The following LRRC4C variants were observed in gnomAD, a reference collection of about 807,000 sequenced individuals.
The protein encoded by LRRC4C is leucine-rich repeat-containing protein 4C.
In LRRC4C, 5 loss-of-function variants were observed where a neutral mutation model predicts 33.6. The observed-to-expected ratio is 0.15, with a 90% CI of 0.08 to 0.31. The LOEUF is 0.31. Ranked by LOEUF, LRRC4C falls within the 10% of genes least tolerant of loss-of-function variation. LRRC4C has a pLI of 1.00. For missense variants in LRRC4C, 560 were observed against 796.7 expected, an observed-to-expected ratio of 0.70 and a Z score of 3.58; for synonymous variants, 329 against 302.0, an observed-to-expected ratio of 1.09 and a Z score of -0.93.
intron 5 of LRRC4C, among the ~76,000 whole-genome samples, chr11:40,179,974 TTC>T (rs1447866491): frequency 6.6e-6 from 1 of 152,186 alleles, no homozygotes; most frequent in East Asian, 1.9e-4. Flanking sequence ...GTATCACACT[TTC>T]TCTGTCAGTT....
At chr11:40,536,921 C>T (rs1487293512) in intron 3 of LRRC4C, among the ~76,000 whole-genome samples, 2 of 152,158 alleles carry the variant, frequency 1.3e-5, no homozygotes, top group East Asian at 3.9e-4. Context: ...TTGTCAACTA[C>T]CCTTTCTGGA....
intron 3 of LRRC4C, among the ~76,000 whole-genome samples, chr11:40,349,092 ACT>A (rs1166621318): frequency 6.6e-6 from 1 of 152,092 alleles, no homozygotes; most frequent in African/African-American, 2.4e-5. Context: ...TTGCAATTAT[ACT>A]CTTTTAGCTA....
Position 41,410,164 on chromosome 11 carries a change from G to A in LRRC4C, c.-496+49267C>T, listed in dbSNP as rs143949789. Among the ~76,000 whole-genome samples, 518 of 152,214 alleles carry A rather than the reference G, an allele frequency of 3.4e-3. 1 individual carries two copies. Among genetic ancestry groups the A allele is most frequent in the Non-Finnish European group, 5.4e-3 (368 of 68,016 alleles). On this transcript the variant is annotated intron_variant, in intron 1 of 6. Coordinates refer to ENST00000528697, the MANE Select transcript of LRRC4C (RefSeq NM_001258419.2). ...CTTGGACCCAGTAGACAGTCGGGCT[G>A]GAGATGCCAGATCCAGTCTAGGGTG...
chr11:40,849,873 T>C (rs2135731426), intron 2 of LRRC4C, among the ~76,000 whole-genome samples: 1 of 151,818 alleles, frequency 6.6e-6, no homozygotes, highest in South Asian at 2.1e-4. Context: ...TTTATTTCAA[T>C]AAGTTGATTT....
chr11:40,567,386 C>A (rs1957806952), intron 3 of LRRC4C, among the ~76,000 whole-genome samples: 1 of 152,078 alleles, frequency 6.6e-6, no homozygotes, highest in African/African-American at 2.4e-5. Context: ...TATTATATAC[C>A]AGGCATCAAG....
At chr11:40,267,603 G>A (rs1014585367) in intron 4 of LRRC4C, among the ~76,000 whole-genome samples, 1 of 152,056 alleles carries the variant, frequency 6.6e-6, no homozygotes, top group Non-Finnish European at 1.5e-5. Flanking sequence ...TTCCCGCCTC[G>A]GCCTCCCAAA....
chr11:41,220,732 A>G (rs977502728), intron 1 of LRRC4C, among the ~76,000 whole-genome samples: 2 of 152,216 alleles, frequency 1.3e-5, no homozygotes, highest in African/African-American at 2.4e-5. Flanking sequence ...AAAAGCAGAT[A>G]TGTTGATATC....
At chr11:40,346,829 G>T (rs1277037549) in intron 3 of LRRC4C, among the ~76,000 whole-genome samples, 1 of 152,168 alleles carries the variant, frequency 6.6e-6, no homozygotes, top group Non-Finnish European at 1.5e-5. Flanking sequence ...TTCCTGAGCA[G>T]ATTTCAACAA....
chr11:40,601,042 G>C (rs1959944245), intron 3 of LRRC4C, among the ~76,000 whole-genome samples: 1 of 152,086 alleles, frequency 6.6e-6, no homozygotes, highest in Non-Finnish European at 1.5e-5. Flanking sequence ...CATTATGGTA[G>C]TCCTACTGTG....
At chr11:40,295,208 A>G (rs1436570429) in intron 4 of LRRC4C, among the ~76,000 whole-genome samples, 3 of 152,232 alleles carry the variant, frequency 2.0e-5, no homozygotes, top group South Asian at 2.1e-4. Context: ...TCTCCAATGT[A>G]TAATTTTCAT....
chr11:40,754,297 C>G (rs1310883432), intron 2 of LRRC4C, among the ~76,000 whole-genome samples: 1 of 152,034 alleles, frequency 6.6e-6, no homozygotes. Context: ...AATTAATATA[C>G]AACTCTATTT....
At chr11:40,920,391 A>T (rs543009411) in intron 2 of LRRC4C, among the ~76,000 whole-genome samples, 1 of 152,320 alleles carries the variant, frequency 6.6e-6, no homozygotes, top group South Asian at 2.1e-4. Flanking sequence ...ATTAAATAAA[A>T]GCATTTTAAT....
intron 5 of LRRC4C, among the ~76,000 whole-genome samples, chr11:40,152,978 C>T (rs1266111206): frequency 6.6e-6 from 1 of 152,130 alleles, no homozygotes; most frequent in Non-Finnish European, 1.5e-5. Context: ...TGGCAGGAGG[C>T]CAATGAGCAC....
chr11:41,205,326 A>G (rs1946554850), intron 1 of LRRC4C, among the ~76,000 whole-genome samples: 1 of 152,214 alleles, frequency 6.6e-6, no homozygotes, highest in South Asian at 2.1e-4. Flanking sequence ...TTTTTCTCTG[A>G]TTATTGCATG....
intron 1 of LRRC4C, among the ~76,000 whole-genome samples, chr11:41,416,725 T>G (rs984748857): frequency 5.3e-5 from 8 of 152,074 alleles, no homozygotes; most frequent in Non-Finnish European, 1.2e-4. Flanking sequence ...TGTGTCTAAC[T>G]GCTTTTCTTA....
intron 1 of LRRC4C, among the ~76,000 whole-genome samples, chr11:41,091,998 A>C (rs1205464000): frequency 1.3e-5 from 2 of 152,170 alleles, no homozygotes; most frequent in Non-Finnish European, 2.9e-5. Context: ...TTGAGATAAA[A>C]ATATACAAAT....
chr11:41,338,351 T>C (rs898038637), intron 1 of LRRC4C, among the ~76,000 whole-genome samples: 11 of 152,094 alleles, frequency 7.2e-5, no homozygotes, highest in African/African-American at 2.4e-4. Flanking sequence ...CACCACAGAA[T>C]AGAATGTAGC....
intron 1 of LRRC4C, among the ~76,000 whole-genome samples, chr11:41,159,935 A>G (rs1159358956): frequency 6.6e-6 from 1 of 152,074 alleles, no homozygotes; most frequent in East Asian, 1.9e-4. Flanking sequence ...ATGTGCTTTG[A>G]TGGGGGATAA....
chr11:41,299,774 TAA>T (rs1950236094), intron 1 of LRRC4C, among the ~76,000 whole-genome samples: 2 of 152,090 alleles, frequency 1.3e-5, no homozygotes, highest in Non-Finnish European at 2.9e-5. Context: ...CTAGAAGCAA[TAA>T]GTTTATTTTT....
Sources: gnomAD v4.1 joint callset for allele counts (sites outside exome capture counted in the v4.1 genomes callset) on GRCh38, gnomAD v4.1.1 for gene constraint, MANE v1.5 for transcripts, NCBI Gene and HGNC (gene_info 2026-07-23, HGNC 2026-07-21) for gene names.